TSPAN9: variants seen among roughly 807,000 people sequenced by gnomAD.
TSPAN9 encodes tetraspanin 9.
TSPAN9 carries 16 observed loss-of-function variants against 31.0 expected under a neutral mutation model. The ratio of observed to expected loss-of-function variants is 0.52; its 90% CI spans 0.35 to 0.78. The LOEUF (loss-of-function observed/expected upper bound fraction) is 0.78. TSPAN9 is among the 30% of genes least tolerant of loss of function. The probability of loss-of-function intolerance (pLI) is 0.01; values close to 1 mark genes in which losing one functional copy is unlikely to be tolerated. For synonymous variants in TSPAN9, 145 were observed against 121.6 expected (o/e 1.19, Z -1.27); for missense variants, 272 against 312.5 (o/e 0.87, Z 0.98).
intron 3 of TSPAN9, among the ~76,000 whole-genome samples, chr12:3,264,259 G>C (rs924736837): frequency 6.6e-6 from 1 of 152,176 alleles, no homozygotes; most frequent in Admixed American, 6.5e-5. Context: ...CCCGGGGAAG[G>C]GGGTGGGGAC....
In TSPAN9 at chr12:3,146,058, T is replaced by C. The variant is rs549164218; in HGVS notation, c.-17-55119T>C. Among the ~76,000 whole-genome samples, 7 of 152,342 alleles carry C rather than the reference T, an allele frequency of 4.6e-5. No homozygotes were observed. The South Asian group carries it at 8.3e-4, about 18-fold the overall frequency. ...CAGGCACGAGGACGCTTTCCCACTT[T>C]GAGGCTGTGAGCTCCCCCGGCAAGC... On this transcript the variant is annotated intron_variant, in intron 2 of 8. Transcript: ENST00000011898.
intron 3 of TSPAN9, among the ~76,000 whole-genome samples, chr12:3,218,285 G>A (rs12319149): frequency 0.35 from 53,509 of 152,110 alleles, 9,866 homozygotes; most frequent in East Asian, 0.68. Context: ...TGAGCTCACA[G>A]CTCTGAGTGC....
rs537655881 is a variant in TSPAN9, at chr12:3,174,740, G to T, written c.-17-26437G>T. Among the ~76,000 whole-genome samples the T allele has an allele frequency of 2.3e-3, 313 of 136,620 alleles. 4 individuals carry two copies. Among genetic ancestry groups the T allele is most frequent in the Admixed American group, 0.022 (292 of 13,034 alleles). The allele number at this position is 136,620 out of a possible 152,430, so 89.6% of individuals were successfully genotyped here. ...TGGGACTACAGGCGCCCACCACCGC[G>T]CCCGGCTAATTTTTTGTATTTTTAG... On this transcript the variant is annotated intron_variant, in intron 2 of 8. Coordinates refer to ENST00000011898, the MANE Select transcript of TSPAN9 (RefSeq NM_006675.5).
intron 3 of TSPAN9, among the ~76,000 whole-genome samples, chr12:3,228,592 C>G (rs111434527): frequency 3.9e-5 from 6 of 152,370 alleles, no homozygotes; most frequent in African/African-American, 1.4e-4. Context: ...GAAGTGAGTG[C>G]TCCTAGCTCT....
chr12:3,276,427 T>C (rs1862788299), intron 3 of TSPAN9, among the ~76,000 whole-genome samples: 1 of 152,192 alleles, frequency 6.6e-6, no homozygotes, highest in Admixed American at 6.5e-5. Context: ...GTCACCTCAC[T>C]CACTGTTGTA....
chr12:3,149,280 T>A lies in TSPAN9; in HGVS notation c.-17-51897T>A, dbSNP rs573169926. 2.0e-5 allele frequency among the ~76,000 whole-genome samples: 3 copies of A among 152,264 alleles called. No homozygotes were observed. The South Asian group carries it at 6.2e-4, about 32-fold the overall frequency. Reference sequence around the variant, plus strand: ...CAGGCCCTGTGTGTAGGGGCTGGACTTGGGGAGTGTGAGCTGTAAGGATGG... The same window carrying A: ...CAGGCCCTGTGTGTAGGGGCTGGACATGGGGAGTGTGAGCTGTAAGGATGG... On this transcript the variant is annotated intron_variant, in intron 2 of 8. Transcript: ENST00000011898.
chr12:3,225,464 G>A (rs1340819001), intron 3 of TSPAN9, among the ~76,000 whole-genome samples: 2 of 152,150 alleles, frequency 1.3e-5, no homozygotes, highest in African/African-American at 2.4e-5. Flanking sequence ...CACACTCACG[G>A]TGGGGAGTGA....
At chr12:3,264,026 A>G (rs370642782) in intron 3 of TSPAN9, among the ~76,000 whole-genome samples, 4 of 152,250 alleles carry the variant, frequency 2.6e-5, no homozygotes, top group African/African-American at 9.6e-5. Flanking sequence ...CAGAGTTTTT[A>G]TCAGGTAGTG....
rs2098352168 is a variant in TSPAN9, at chr12:3,172,061, A to ATCCC, written c.-17-29116_-17-29115insTCCC. The ATCCC allele has an allele frequency of 6.6e-6, 1 of 152,232 alleles. No individual in the cohort carries two copies. The allele number at this position is 152,232 out of a possible 1,614,324, so 9.4% of individuals were successfully genotyped here. On this transcript the variant is annotated intron_variant, in intron 2 of 8. Transcript: ENST00000011898. This position sits in a 1 kb window ranked among gnomAD's most constrained non-coding sequence, Gnocchi z 4.8. ...ATAACTCAGGCTGAGCTGGATGATAAACGAAAGTGGGACAGAGCTGCAGGA... is the reference window on the plus strand; with the variant it reads ...ATAACTCAGGCTGAGCTGGATGATAATCCCACGAAAGTGGGACAGAGCTGCAGGA...
chr12:3,232,032 G>A (rs776996457), intron 3 of TSPAN9, among the ~76,000 whole-genome samples: 5 of 152,192 alleles, frequency 3.3e-5, no homozygotes, highest in Non-Finnish European at 5.9e-5. Flanking sequence ...CCTTCACCAC[G>A]GGCCTCTTCC....
intron 3 of TSPAN9, among the ~76,000 whole-genome samples, chr12:3,228,812 G>C (rs958746133): frequency 1.3e-5 from 2 of 152,186 alleles, no homozygotes; most frequent in African/African-American, 4.8e-5. Context: ...CACCATTCTG[G>C]AGGCCAGATG....
rs1307720011 is a variant in TSPAN9 at position 3,242,741 on chromosome 12, A to T, written c.64-35680A>T. ...GGGGAGCCCCAGCTCTGCCCTGAAC[A>T]TATTGTGGAGCCTTGGACGCATTGC... is the stretch of plus-strand genomic sequence containing the variant. On this transcript the variant is annotated intron_variant, in intron 3 of 8. Transcript: ENST00000011898. Among the ~76,000 whole-genome samples, 3 of 152,334 alleles carry T rather than the reference A, an allele frequency of 2.0e-5. No individual in the cohort carries two copies. The East Asian group carries it at 5.8e-4, about 29-fold the overall frequency.
chr12:3,100,247 C>T (rs1487494200), intron 2 of TSPAN9, among the ~76,000 whole-genome samples: 1 of 152,184 alleles, frequency 6.6e-6, no homozygotes, highest in Non-Finnish European at 1.5e-5. Context: ...TTTTCTCAGT[C>T]TTGTGGATTT....
At chr12:3,179,583 A>C (rs1405772359) in intron 2 of TSPAN9, among the ~76,000 whole-genome samples, 1 of 152,138 alleles carries the variant, frequency 6.6e-6, no homozygotes, top group Admixed American at 6.6e-5. Context: ...AACGGGTAAG[A>C]TATTGGCTTG....
chr12:3,221,080 G>T (rs2098384253), intron 3 of TSPAN9, among the ~76,000 whole-genome samples: 1 of 152,182 alleles, frequency 6.6e-6, no homozygotes, highest in African/African-American at 2.4e-5. Flanking sequence ...AGAAGCCACA[G>T]GGACCGGGAG....
chr12:3,187,310 T>C lies in TSPAN9; in HGVS notation c.-17-13867T>C, dbSNP rs767865221. Among the ~76,000 whole-genome samples the C allele has an allele frequency of 5.9e-5, 9 of 152,182 alleles. No homozygotes were observed. The highest frequency in any genetic ancestry group is 1.2e-4 in the Non-Finnish European group (8 of 68,032). On this transcript the variant is annotated intron_variant, in intron 2 of 8. Transcript: ENST00000011898. This position sits in a 1 kb window ranked among gnomAD's most constrained non-coding sequence, Gnocchi z 5.2. ...TTGGTGTTGTGATGTGGGGCGTCTC[T>C]GCTTTTCCTAGCTGGGTAATCCTAA...
chr12:3,143,531 A>G lies in TSPAN9; in HGVS notation c.-17-57646A>G, dbSNP rs1203412467. Among the ~76,000 whole-genome samples the G allele has an allele frequency of 6.6e-6, 1 of 152,054 alleles. No individual in the cohort carries two copies. Among genetic ancestry groups the G allele is most frequent in the African/African-American group, 2.4e-5 (1 of 41,436 alleles). On this transcript the variant is annotated intron_variant, in intron 2 of 8. Transcript: ENST00000011898. The surrounding 1 kb of genome is among the most constrained non-coding windows in gnomAD (Gnocchi z 4.2). The stretch of plus-strand genomic sequence containing the variant: ...TTCTTCTGTCCCACTTATTTATTCA[A>G]TTAGTTATTTTTATCATTACAGACT...
At chr12:3,243,234 C>T (rs1311371432) in intron 3 of TSPAN9, among the ~76,000 whole-genome samples, 1 of 152,180 alleles carries the variant, frequency 6.6e-6, no homozygotes, top group Non-Finnish European at 1.5e-5. Flanking sequence ...ATCTCGTTGT[C>T]TGCTGGACTC....
At chr12:3,242,734 C>T (rs2098397226) in intron 3 of TSPAN9, among the ~76,000 whole-genome samples, 2 of 152,228 alleles carry the variant, frequency 1.3e-5, no homozygotes, top group Admixed American at 1.3e-4. Flanking sequence ...CCAGCTCTGC[C>T]CTGAACATAT....
Sources: allele counts gnomAD v4.1 joint callset (sites outside exome capture counted in the v4.1 genomes callset), GRCh38; gene constraint gnomAD v4.1.1; non-coding constraint Gnocchi (gnomAD v3.1); transcripts MANE v1.5; gene names NCBI Gene and HGNC (gene_info 2026-07-23, HGNC 2026-07-21).